PRTG: variants seen among roughly 807,000 people sequenced by gnomAD.
PRTG encodes protogenin.
In PRTG, 67 loss-of-function variants were observed where a neutral mutation model predicts 122.5. The ratio of observed to expected loss-of-function variants is 0.55; its 90% CI spans 0.45 to 0.67. The LOEUF is 0.67. PRTG is among the 30% of genes least tolerant of loss of function. The pLI is 0.00. For missense variants in PRTG, 1,435 were observed against 1,415.4 expected (o/e 1.01, Z -0.22); for synonymous variants, 554 against 501.1 (o/e 1.11, Z -1.41).
intron 2 of PRTG, among the ~76,000 whole-genome samples, chr15:55,731,602 C>A (rs2031237097): frequency 6.6e-6 from 1 of 152,004 alleles, no homozygotes; most frequent in South Asian, 2.1e-4. Flanking sequence ...AACTCCTGAC[C>A]TCATGATCCG....
chr15:55,720,303 G>A (rs543997037), intron 2 of PRTG, among the ~76,000 whole-genome samples: 1 of 152,044 alleles, frequency 6.6e-6, no homozygotes, highest in African/African-American at 2.4e-5. Context: ...GTTGCAGTGA[G>A]TTGAGATAGT....
chr15:55,697,272 T>C (rs2059636946), intron 2 of PRTG, among the ~76,000 whole-genome samples: 2 of 152,192 alleles, frequency 1.3e-5, no homozygotes, highest in South Asian at 4.1e-4. Context: ...TTACCAGAGA[T>C]TGTAAATTCC....
At chr15:55,734,816 T>C (rs1483530254) in intron 2 of PRTG, among the ~76,000 whole-genome samples, 2 of 152,176 alleles carry the variant, frequency 1.3e-5, no homozygotes, top group Admixed American at 1.3e-4. Flanking sequence ...GAGACCTTTG[T>C]GAGGATGACG....
At chr15:55,669,601 C>T (rs1316208864) in intron 11 of PRTG, among the ~76,000 whole-genome samples, 1 of 152,204 alleles carries the variant, frequency 6.6e-6, no homozygotes, top group Non-Finnish European at 1.5e-5. Context: ...TTTGGCAAGG[C>T]CCCAACACTG....
chr15:55,640,033 T>A (rs1157455964), intron 12 of PRTG: 2 of 800,060 alleles, frequency 2.5e-6, no homozygotes, highest in South Asian at 5.9e-5. Context: ...CAGTCATGCA[T>A]CACTAAAGAA....
chr15:55,641,046 T>TA, intron 12 of PRTG, 67 bp downstream of exon 12: 1 of 1,077,624 alleles, frequency 9.3e-7, no homozygotes, highest in Non-Finnish European at 1.4e-6. Context: ...GACTGTAACT[T>TA]AAAGGAGGAG....
chr15:55,740,394 G>C lies in PRTG; in HGVS notation c.385C>G (p.Leu129Val), dbSNP rs1401483266. The C allele has an allele frequency of 1.9e-6, 3 of 1,602,808 alleles. No homozygotes were observed. In the African/African-American group the frequency reaches 4.0e-5, roughly 22 times the overall value. Residue 129 changes from leucine (L) to valine (V), a missense_variant, in exon 2 of 20, where the codon CTT becomes GTT. Leu to Val is a conservative substitution (Grantham distance 32). Coordinates refer to ENST00000389286, the MANE Select transcript of PRTG (RefSeq NM_173814.6). The stretch of plus-strand genomic sequence containing the variant: ...CTTAAACACTTACTTGATAAGGCAA[G>C]ATGAGCTTTTTGACTAAGAATGGCT... ...YGAILSQKAH[L>V]ALSTISAFEV...
chr15:55,699,209 A>G (rs1335272876), intron 2 of PRTG, among the ~76,000 whole-genome samples: 1 of 152,232 alleles, frequency 6.6e-6, no homozygotes, highest in Non-Finnish European at 1.5e-5. Context: ...TATTCATAAA[A>G]TAATTTTCAA....
rs767023821 is a variant in PRTG, at chr15:55,641,208, T to C, written c.2042A>G (p.Asp681Gly). The change falls in exon 12 of 20, where the codon GAC becomes GGC. Residue 681 changes from aspartate (D) to glycine (G), a missense_variant and splice_region_variant. Asp to Gly is a moderately conservative substitution (Grantham distance 94). Coordinates refer to ENST00000389286, the MANE Select transcript of PRTG (RefSeq NM_173814.6). ...TCTCACATGATATTTTCTTCTGGGG[T>C]CTATAAAGAAACCAATAGGAAATAA... is the stretch of plus-strand genomic sequence containing the variant. ...KDLLYTLSGL[D>G]PRRKYHVRLL... is the part of the protein sequence containing the mutation. 1.2e-5 allele frequency: 19 copies of C among 1,607,414 alleles called. No homozygotes were observed. The Admixed American group carries it at 3.2e-4, about 27-fold the overall frequency.
At chr15:55,648,064 T>C (rs968431935) in intron 11 of PRTG, among the ~76,000 whole-genome samples, 2 of 152,232 alleles carry the variant, frequency 1.3e-5, no homozygotes, top group African/African-American at 2.4e-5. Context: ...ATTGATCTAA[T>C]AATCTCTCAT....
At chr15:55,727,575 T>G (rs1460153662) in intron 2 of PRTG, among the ~76,000 whole-genome samples, 1 of 152,104 alleles carries the variant, frequency 6.6e-6, no homozygotes, top group Non-Finnish European at 1.5e-5. Flanking sequence ...GTGGGAGGAC[T>G]GCCTGAGGTG....
Position 55,615,876 on chromosome 15 carries a change from G to T in PRTG, c.*4136C>A, listed in dbSNP as rs766586140. On this transcript the variant is annotated 3_prime_UTR_variant, in exon 20 of 20. Transcript: ENST00000389286. ...TTTCAATTCCAAATTCTTGTGACAC[G>T]ATCTGAATTGTTTTCAAAGGTGTCT... 6.6e-6 allele frequency: 1 copy of T among 152,054 alleles called. No individual in the cohort carries two copies. The highest frequency in any genetic ancestry group is 6.6e-5 in the Admixed American group (1 of 15,266). 9.4% of individuals were successfully genotyped at this position (152,054 alleles called of 1,614,324 possible).
intron 2 of PRTG, among the ~76,000 whole-genome samples, chr15:55,718,617 C>CAA (rs144106032): frequency 8.1e-6 from 1 of 122,914 alleles, no homozygotes; most frequent in African/African-American, 2.7e-5. Context: ...TTGTTGCTCA[C>CAA]AAAAAACAAA....
chr15:55,742,989 C>T lies in PRTG; in HGVS notation c.-58G>A. On this transcript the variant is annotated 5_prime_UTR_variant, in exon 1 of 20. Transcript: ENST00000389286. ...GCCCAGAGCCCCTGTCCGTCTGCGG[C>T]CCCCGCCCCGGGCGCTCTCTGCTCT... 4 of 1,392,130 alleles carry T rather than the reference C, an allele frequency of 2.9e-6. No individual in the cohort carries two copies. The highest frequency in any genetic ancestry group is 3.7e-6 in the Non-Finnish European group (4 of 1,077,282). 86.2% of individuals were successfully genotyped at this position (1,392,130 alleles called of 1,614,324 possible). A position where few individuals can be genotyped will look rare whatever the true frequency, so the allele number is the denominator to read the frequency against.
In PRTG at chr15:55,615,789, C is replaced by T. The variant is rs1156643838; in HGVS notation, c.*4223G>A. On this transcript the variant is annotated 3_prime_UTR_variant, in exon 20 of 20. Transcript: ENST00000389286. ...AACAGAAATGTATATAAGTGAACCA[C>T]TATAGCTACTGCTGAAGTGAAACCA... The T allele has an allele frequency of 6.6e-6, 1 of 152,012 alleles. No homozygotes were observed. The highest frequency in any genetic ancestry group is 2.4e-5 in the African/African-American group (1 of 41,396). 9.4% of individuals were successfully genotyped at this position (152,012 alleles called of 1,614,324 possible).
rs148142398 is a variant in PRTG at position 55,710,038 on chromosome 15, C to T, written c.398-26107G>A. Among the ~76,000 whole-genome samples, 479 of 152,080 alleles carry T rather than the reference C, an allele frequency of 3.1e-3. 1 individual carries two copies. Among genetic ancestry groups the T allele is most frequent in the African/African-American group, 0.011 (454 of 41,470 alleles). ...CATTTTTTAAATCTGAAAAAAAACC[C>T]GGCATATGTGGGCATATATGTGTTT... On this transcript the variant is annotated intron_variant, in intron 2 of 19. Coordinates refer to ENST00000389286, the MANE Select transcript of PRTG (RefSeq NM_173814.6).
In PRTG at chr15:55,620,009, G is replaced by T. The variant is rs544145523; in HGVS notation, c.*3C>A. On this transcript the variant is annotated 3_prime_UTR_variant, in exon 20 of 20. Transcript: ENST00000389286. ...TCCACCTGAATCACTGCCAGTGAAA[G>T]AATCAGAGGTTGGGGGGTGTGGTAC... 27 of 1,613,784 alleles carry T rather than the reference G, an allele frequency of 1.7e-5. No individual in the cohort carries two copies. The highest frequency in any genetic ancestry group is 2.2e-5 in the Non-Finnish European group (26 of 1,179,854).
chr15:55,661,443 G>T (rs2059408932), intron 11 of PRTG, among the ~76,000 whole-genome samples: 1 of 152,124 alleles, frequency 6.6e-6, no homozygotes, highest in African/African-American at 2.4e-5. Context: ...CTCCACAGGG[G>T]CCTTACTTTA....
At chr15:55,700,185 C>A (rs2141839544) in intron 2 of PRTG, among the ~76,000 whole-genome samples, 1 of 152,056 alleles carries the variant, frequency 6.6e-6, no homozygotes, top group Admixed American at 6.5e-5. Flanking sequence ...TATAAAATTG[C>A]AAAAGGAATT....
Sources: allele counts gnomAD v4.1 joint callset (sites outside exome capture counted in the v4.1 genomes callset), GRCh38; gene constraint gnomAD v4.1.1; transcripts MANE v1.5; gene names NCBI Gene and HGNC (gene_info 2026-07-23, HGNC 2026-07-21).